TSHZ3: variants seen among roughly 807,000 people sequenced by gnomAD.
The protein encoded by TSHZ3 is teashirt zinc finger homeobox 3.
TSHZ3 carries 10 observed loss-of-function variants against 64.5 expected under a neutral mutation model. The observed-to-expected ratio is 0.16, with a 90% CI of 0.10 to 0.26. The LOEUF (loss-of-function observed/expected upper bound fraction) is 0.26. Ranked by LOEUF, TSHZ3 falls within the 10% of genes least tolerant of loss-of-function variation. The pLI, the probability that TSHZ3 is intolerant of heterozygous loss-of-function variation, is 1.00. For missense variants in TSHZ3, 1,242 were observed against 1,421.7 expected (o/e 0.87, Z 2.03); for synonymous variants, 608 against 593.1 (o/e 1.03, Z -0.36).
At chr19:31,348,067 G>T (rs1487470742) in intron 1 of TSHZ3, among the ~76,000 whole-genome samples, 1 of 152,176 alleles carries the variant, frequency 6.6e-6, no homozygotes, top group East Asian at 1.9e-4. Context: ...CCCCTTCAGG[G>T]AGCATCTGAA....
At chr19:31,260,483 G>T (rs1490637018) in intron 1 of TSHZ3, among the ~76,000 whole-genome samples, 1 of 152,196 alleles carries the variant, frequency 6.6e-6, no homozygotes, top group Non-Finnish European at 1.5e-5. Context: ...TGATCTCTGG[G>T]CTCTGTCCTC....
intron 1 of TSHZ3, among the ~76,000 whole-genome samples, chr19:31,315,719 A>T (rs1397222908): frequency 1.3e-5 from 2 of 152,268 alleles, no homozygotes; most frequent in Non-Finnish European, 2.9e-5. Flanking sequence ...GCTCCGAGGC[A>T]ATTTAGACTG....
intron 5 of TSHZ3, among the ~76,000 whole-genome samples, chr19:31,181,951 C>T (rs921429714): frequency 4.6e-5 from 7 of 152,142 alleles, no homozygotes; most frequent in African/African-American, 1.7e-4. Context: ...AACTGGAGTC[C>T]TGGCCAGATC....
intron 1 of TSHZ3, among the ~76,000 whole-genome samples, chr19:31,292,562 A>G (rs748267261): frequency 1.3e-5 from 2 of 152,196 alleles, no homozygotes; most frequent in Non-Finnish European, 2.9e-5. Context: ...GATGGCTAAC[A>G]TGAGATGGGA....
chr19:31,286,448 C>T (rs1272405818), intron 1 of TSHZ3, among the ~76,000 whole-genome samples: 1 of 152,234 alleles, frequency 6.6e-6, no homozygotes, highest in African/African-American at 2.4e-5. Flanking sequence ...TGTTCACATT[C>T]ACACATTCAT....
intron 1 of TSHZ3, among the ~76,000 whole-genome samples, chr19:31,322,711 T>G (rs1599647983): frequency 6.6e-6 from 1 of 152,164 alleles, no homozygotes; most frequent in East Asian, 1.9e-4. Context: ...TGGGCCACCA[T>G]CCCCAGCCAG....
chr19:31,200,702 G>A (rs1392655095), intron 5 of TSHZ3, among the ~76,000 whole-genome samples: 3 of 152,096 alleles, frequency 2.0e-5, no homozygotes, highest in Non-Finnish European at 4.4e-5. Context: ...TACCAAGAGT[G>A]AACCCTCATG....
At chr19:31,226,521 T>A (rs1975464077) in intron 4 of TSHZ3, among the ~76,000 whole-genome samples, 3 of 152,178 alleles carry the variant, frequency 2.0e-5, no homozygotes, top group African/African-American at 7.2e-5. Flanking sequence ...GAACTGTGAA[T>A]CCATTAAACA....
chr19:31,187,563 T>C (rs1296652983), intron 5 of TSHZ3, among the ~76,000 whole-genome samples: 1 of 152,140 alleles, frequency 6.6e-6, no homozygotes, highest in Admixed American at 6.6e-5. Flanking sequence ...CCTTTATATA[T>C]AGTTTTAGCT....
upstream of TSHZ3, among the ~76,000 whole-genome samples, chr19:31,350,028 G>C (rs2021664613): frequency 7.3e-6 from 1 of 137,564 alleles, no homozygotes; most frequent in African/African-American, 2.7e-5. Context: ...AGCCCGTCCC[G>C]GGGCGCTCGT....
rs778937078 is a variant in TSHZ3 at position 31,278,136 on chromosome 19, C to T, written c.1657G>A (p.Ala553Thr). The T allele has an allele frequency of 5.6e-6, 9 of 1,613,996 alleles. No homozygotes were observed. Among genetic ancestry groups the T allele is most frequent in the South Asian group, 1.1e-5 (1 of 91,078 alleles). Residue 553 changes from alanine (A) to threonine (T), a missense_variant, in exon 2 of 2, where the codon GCC becomes ACC. By Grantham distance (58) the Ala-to-Thr change is moderately conservative. This residue lies in a region of TSHZ3 where 550 missense variants were observed against 545.1 expected (regional missense o/e 1.01). Coordinates refer to ENST00000240587, the MANE Select transcript of TSHZ3 (RefSeq NM_020856.4). The surrounding 1 kb of genome is among the most constrained non-coding windows in gnomAD (Gnocchi z 4.7). ...SWGGYPSIHA[A>T]YQLPNMMKLS... ...TTCATCATGTTGGGAAGTTGGTAGG[C>T]GGCATGGATGCTGGGATAGCCCCCC...
chr19:31,300,595 G>A (rs1350710290), intron 1 of TSHZ3, among the ~76,000 whole-genome samples: 6 of 152,152 alleles, frequency 3.9e-5, no homozygotes, highest in Non-Finnish European at 7.3e-5. Flanking sequence ...CCTCTCTAAC[G>A]ATGCACTCGC....
intron 5 of TSHZ3, among the ~76,000 whole-genome samples, chr19:31,189,062 G>T (rs1384383720): frequency 6.6e-6 from 1 of 151,750 alleles, no homozygotes; most frequent in Non-Finnish European, 1.5e-5. Flanking sequence ...ATATAAAGTT[G>T]TTCATAGCAT....
At chr19:31,271,013 C>A (rs79338129), downstream of TSHZ3, among the ~76,000 whole-genome samples, 81 of 152,164 alleles carry the variant, frequency 5.3e-4, 1 homozygote, top group East Asian at 0.015. Context: ...GCACTGACAC[C>A]CCAATGCTGA....
chr19:31,150,821 T>A (rs1446355005), exon 7 of TSHZ3, among the ~76,000 whole-genome samples: 1 of 152,166 alleles, frequency 6.6e-6, no homozygotes, highest in Non-Finnish European at 1.5e-5. Context: ...CATGGTGTGG[T>A]CTGTCCCTCC....
At chr19:31,168,258 C>T (rs78449370) in intron 5 of TSHZ3, among the ~76,000 whole-genome samples, 1,806 of 152,198 alleles carry the variant, frequency 0.012, 37 homozygotes, top group African/African-American at 0.041. Flanking sequence ...TATGAATACG[C>T]GTACGCACCA....
intron 5 of TSHZ3, among the ~76,000 whole-genome samples, chr19:31,183,845 C>G (rs1974763524): frequency 6.6e-6 from 1 of 152,098 alleles, no homozygotes; most frequent in African/African-American, 2.4e-5. Context: ...TGTTCCCTTT[C>G]TAATAAAGGG....
chr19:31,321,395 T>C (rs1182562593), intron 1 of TSHZ3, among the ~76,000 whole-genome samples: 3 of 152,236 alleles, frequency 2.0e-5, no homozygotes, highest in African/African-American at 7.2e-5. Context: ...CGTCATCACA[T>C]GGCTCACCAC....
At chr19:31,221,260 G>C (rs1216090613) in intron 4 of TSHZ3, among the ~76,000 whole-genome samples, 1 of 152,208 alleles carries the variant, frequency 6.6e-6, no homozygotes, top group African/African-American at 2.4e-5. Context: ...GTGGTGGATA[G>C]AAAGCCAATT....
Sources: allele counts gnomAD v4.1 joint callset (sites outside exome capture counted in the v4.1 genomes callset), GRCh38; gene constraint gnomAD v4.1.1; regional missense constraint gnomAD v4.1.1; non-coding constraint Gnocchi (gnomAD v3.1); transcripts MANE v1.5; gene names NCBI Gene and HGNC (gene_info 2026-07-23, HGNC 2026-07-21).